Variants in ADGRL3 observed in about 807,000 individuals in gnomAD.
The protein encoded by ADGRL3 is calcium-independent alpha-latrotoxin receptor 3.
Under a neutral mutation model 153.5 loss-of-function variants are expected in ADGRL3, and 62 were observed. The observed-to-expected ratio is 0.40, with a 90% CI of 0.33 to 0.50. The LOEUF (loss-of-function observed/expected upper bound fraction) is 0.50. Ranked by LOEUF, ADGRL3 falls within the 20% of genes least tolerant of loss-of-function variation. The probability of loss-of-function intolerance (pLI) is 0.47; values close to 1 mark genes in which losing one functional copy is unlikely to be tolerated. For missense variants in ADGRL3, 1,641 were observed against 1,859.4 expected, an observed-to-expected ratio of 0.88 and a Z score of 2.16; for synonymous variants, 710 against 672.5, an observed-to-expected ratio of 1.06 and a Z score of -0.86.
intron 2 of ADGRL3, among the ~76,000 whole-genome samples, chr4:61,392,238 T>A: frequency 6.6e-6 from 1 of 152,052 alleles, no homozygotes. Context: ...TTGTCTTGTT[T>A]CCTATCGTAG....
At chr4:61,391,019 T>G (rs1314476548) in intron 2 of ADGRL3, among the ~76,000 whole-genome samples, 1 of 152,226 alleles carries the variant, frequency 6.6e-6, no homozygotes, top group African/African-American at 2.4e-5. Flanking sequence ...TATAGATGTA[T>G]CTCAGTTCAT....
chr4:61,520,687 T>TGTCG (rs2098525439), intron 4 of ADGRL3, among the ~76,000 whole-genome samples: 1 of 149,490 alleles, frequency 6.7e-6, no homozygotes, highest in African/African-American at 2.5e-5. Flanking sequence ...TGTGTGTGTC[T>TGTCG]GTCTGTCTGT....
intron 3 of ADGRL3, among the ~76,000 whole-genome samples, chr4:61,510,351 T>C (rs2098456955): frequency 6.6e-6 from 1 of 152,178 alleles, no homozygotes; most frequent in Non-Finnish European, 1.5e-5. Flanking sequence ...GTGAGAATGG[T>C]ACTTTATAGG....
intron 2 of ADGRL3, among the ~76,000 whole-genome samples, chr4:61,390,928 A>G (rs758890463): frequency 5.3e-5 from 8 of 152,128 alleles, no homozygotes; most frequent in Non-Finnish European, 1.0e-4. Context: ...TTTTCTCAGC[A>G]TAATGCCTTT....
intron 9 of ADGRL3, among the ~76,000 whole-genome samples, chr4:61,861,111 G>T (rs1031642481): frequency 6.6e-6 from 1 of 152,116 alleles, no homozygotes; most frequent in Admixed American, 6.5e-5. Context: ...GTGTCCACTT[G>T]TTTATTAAGA....
chr4:61,387,457 T>C (rs1244454463), intron 2 of ADGRL3, among the ~76,000 whole-genome samples: 2 of 152,086 alleles, frequency 1.3e-5, no homozygotes, highest in Non-Finnish European at 2.9e-5. Flanking sequence ...TATGGGAGAC[T>C]GGAGTTTATT....
chr4:61,279,959 T>A (rs1414878086), intron 1 of ADGRL3, among the ~76,000 whole-genome samples: 2 of 152,102 alleles, frequency 1.3e-5, no homozygotes, highest in Admixed American at 6.6e-5. Flanking sequence ...GACTTCTATA[T>A]CAAATGTACA....
chr4:61,900,812 T>C (rs1231362633), intron 11 of ADGRL3, among the ~76,000 whole-genome samples: 1 of 152,212 alleles, frequency 6.6e-6, no homozygotes, highest in Non-Finnish European at 1.5e-5. Flanking sequence ...GATAGATATA[T>C]GTCTCCAAAT....
chr4:61,257,985 A>G (rs544711129), intron 1 of ADGRL3, among the ~76,000 whole-genome samples: 14 of 152,272 alleles, frequency 9.2e-5, no homozygotes, highest in Admixed American at 9.2e-4. Context: ...GTGTCTGAGT[A>G]CATACAGGTT....
chr4:61,250,918 TAAC>T (rs1338563634), intron 1 of ADGRL3, among the ~76,000 whole-genome samples: 8 of 152,202 alleles, frequency 5.3e-5, no homozygotes, highest in Admixed American at 2.0e-4. Context: ...TATGAAGCCT[TAAC>T]AGTATATCTG....
chr4:61,434,115 G>A (rs997891010), intron 2 of ADGRL3, among the ~76,000 whole-genome samples: 2 of 152,002 alleles, frequency 1.3e-5, no homozygotes, highest in Non-Finnish European at 1.5e-5. Context: ...GTTCTGTTTC[G>A]GATCTGGTTA....
chr4:61,270,567 G>C (rs1411198056), intron 1 of ADGRL3, among the ~76,000 whole-genome samples: 1 of 151,756 alleles, frequency 6.6e-6, no homozygotes, highest in East Asian at 1.9e-4. Context: ...TAGTAGTTTA[G>C]ACTTTGCGTA....
chr4:61,872,352 A>C (rs1285441374), intron 9 of ADGRL3, among the ~76,000 whole-genome samples: 6 of 152,042 alleles, frequency 3.9e-5, no homozygotes, highest in Non-Finnish European at 7.4e-5. Context: ...CATTAGTGGC[A>C]GCAGAGAATA....
chr4:61,550,828 A>T (rs1210732462), intron 4 of ADGRL3, among the ~76,000 whole-genome samples: 2 of 152,038 alleles, frequency 1.3e-5, no homozygotes, highest in Non-Finnish European at 2.9e-5. Flanking sequence ...TAGAGCCATG[A>T]TATATTTATT....
chr4:61,222,999 C>G (rs551691519), intron 1 of ADGRL3, among the ~76,000 whole-genome samples: 1 of 152,154 alleles, frequency 6.6e-6, no homozygotes, highest in African/African-American at 2.4e-5. Context: ...TGTTCCAGTT[C>G]ATGTTGATGT....
chr4:61,437,249 C>T (rs969649789), intron 2 of ADGRL3, among the ~76,000 whole-genome samples: 19 of 151,202 alleles, frequency 1.3e-4, no homozygotes, highest in Non-Finnish European at 2.2e-4. Flanking sequence ...GATTAAACTC[C>T]TATATAAAAC....
intron 11 of ADGRL3, among the ~76,000 whole-genome samples, chr4:61,903,377 T>C (rs2098675633): frequency 6.6e-6 from 1 of 152,120 alleles, no homozygotes; most frequent in South Asian, 2.1e-4. Flanking sequence ...AGCTGAATTG[T>C]TGAATTCATA....
intron 23 of ADGRL3, among the ~76,000 whole-genome samples, chr4:62,031,853 T>G (rs569279576): frequency 1.4e-4 from 21 of 151,598 alleles, no homozygotes; most frequent in South Asian, 4.1e-4. Flanking sequence ...ATTATTTTCT[T>G]ATAGATTTGA....
intron 25 of ADGRL3, among the ~76,000 whole-genome samples, chr4:62,060,906 G>A (rs1739744019): frequency 6.6e-6 from 1 of 151,806 alleles, no homozygotes; most frequent in Non-Finnish European, 1.5e-5. Flanking sequence ...AGCAAATATT[G>A]AACACTTAGA....
Sources: allele counts gnomAD v4.1 joint callset (sites outside exome capture counted in the v4.1 genomes callset), GRCh38; gene constraint gnomAD v4.1.1; transcripts MANE v1.5; gene names NCBI Gene and HGNC (gene_info 2026-07-23, HGNC 2026-07-21).